The following CNBD2 variants were observed in gnomAD, a reference collection of about 807,000 sequenced individuals.
CNBD2 encodes the protein cyclic nucleotide binding domain containing 2, also known as cyclic nucleotide-binding domain-containing protein 2.
In CNBD2, 64 loss-of-function variants were observed where a neutral mutation model predicts 63.7. The ratio of observed to expected loss-of-function variants is 1.00; its 90% CI spans 0.82 to 1.24. The LOEUF (loss-of-function observed/expected upper bound fraction) is 1.24, where lower values mean the gene tolerates loss of function less well. Among genes scored for constraint, CNBD2 ranks in the 50% most tolerant of loss-of-function variants. The probability of loss-of-function intolerance (pLI) is 0.00; values close to 1 mark genes in which losing one functional copy is unlikely to be tolerated. For missense variants in CNBD2, 691 were observed against 713.5 expected (o/e 0.97, Z 0.36); for synonymous variants, 229 against 255.4 (o/e 0.90, Z 0.99).
intron 10 of CNBD2, among the ~76,000 whole-genome samples, chr20:36,014,197 G>T (rs2057103559): frequency 7.7e-6 from 1 of 129,096 alleles, no homozygotes. Context: ...AAAAAAAAAG[G>T]AAATATGTAT....
At chr20:36,000,098 T>TAACC (rs777171500) in intron 8 of CNBD2, among the ~76,000 whole-genome samples, 24 of 152,256 alleles carry the variant, frequency 1.6e-4, no homozygotes, top group Non-Finnish European at 2.8e-4. Flanking sequence ...TTCTACCTAA[T>TAACC]AACCACTTCC....
At chr20:35,989,032 C>T (rs903814946) in intron 7 of CNBD2, among the ~76,000 whole-genome samples, 3 of 152,076 alleles carry the variant, frequency 2.0e-5, no homozygotes, top group African/African-American at 7.2e-5. Context: ...TACTGTATGC[C>T]AGGTTCTATG....
rs753482415 is a variant in CNBD2, at chr20:35,980,607, T to A, written c.392T>A (p.Val131Asp). ...CCCCTGCAGCTGCTCCTGGCCAAAGTCATGCGCTTTGAACGGTCAGTGAGG... is the reference window on the plus strand; with the variant it reads ...CCCCTGCAGCTGCTCCTGGCCAAAGACATGCGCTTTGAACGGTCAGTGAGG... ...AEPLQLLLAK[V>D]MRFERFGRRR... The change falls in exon 4 of 12, where the codon GTC (valine) becomes GAC (aspartate). Residue 131 changes from valine (V) to aspartate (D), a missense_variant. Coordinates refer to ENST00000373973, the MANE Select transcript of CNBD2 (RefSeq NM_001365709.1). 1 of 1,613,482 alleles carries A rather than the reference T, an allele frequency of 6.2e-7. No homozygotes were observed. Among genetic ancestry groups the A allele is most frequent in the South Asian group, 1.1e-5 (1 of 91,040 alleles).
intron 11 of CNBD2, among the ~76,000 whole-genome samples, chr20:36,029,848 T>A (rs2147388542): frequency 6.6e-6 from 1 of 152,106 alleles, no homozygotes; most frequent in East Asian, 1.9e-4. Flanking sequence ...CAGTCCTTCT[T>A]CCACCTTCCT....
At chr20:35,954,661 C>A, upstream of CNBD2, 6 of 1,259,188 alleles carry the variant, frequency 4.8e-6, no homozygotes, top group Non-Finnish European at 6.2e-6. Flanking sequence ...CGCCTCTGAG[C>A]GCCAGTTCGA....
chr20:35,976,033 A>G (rs767125385), intron 3 of CNBD2, 31 bp downstream of exon 3: 15 of 1,586,738 alleles, frequency 9.5e-6, no homozygotes, highest in Middle Eastern at 1.7e-4. Context: ...GCTGTGGGGG[A>G]ATTTTCTTTC....
chr20:36,011,097 G>A (rs2147330681), intron 9 of CNBD2, 40 bp from the exon 10 acceptor site: 2 of 1,477,714 alleles, frequency 1.4e-6, no homozygotes, highest in South Asian at 1.4e-5. Context: ...GGAGCAGACT[G>A]TGTTACAGAT....
At chr20:35,970,178 A>G (rs1327336681) in intron 1 of CNBD2, among the ~76,000 whole-genome samples, 1 of 152,218 alleles carries the variant, frequency 6.6e-6, no homozygotes, top group African/African-American at 2.4e-5. Flanking sequence ...TTCACAATTT[A>G]TAGGTAATTT....
At chr20:36,011,708 G>C (rs1359695638) in intron 10 of CNBD2, among the ~76,000 whole-genome samples, 1 of 152,142 alleles carries the variant, frequency 6.6e-6, no homozygotes, top group Non-Finnish European at 1.5e-5. Flanking sequence ...AACTATCTTT[G>C]TTTGCAGATA....
At chr20:36,012,279 G>A (rs142525295) in intron 10 of CNBD2, among the ~76,000 whole-genome samples, 2,033 of 150,026 alleles carry the variant, frequency 0.014, 16 homozygotes, top group Middle Eastern at 0.031. Flanking sequence ...AAGCCTGGGG[G>A]ACAAGAGTGA....
chr20:36,012,846 CA>C, intron 10 of CNBD2, among the ~76,000 whole-genome samples: 1 of 144,990 alleles, frequency 6.9e-6, no homozygotes, highest in South Asian at 2.2e-4. Flanking sequence ...AAAAAGAATT[CA>C]ATTTCTAAGA....
At chr20:36,028,687 T>G (rs1422935384) in intron 11 of CNBD2, among the ~76,000 whole-genome samples, 1 of 150,636 alleles carries the variant, frequency 6.6e-6, no homozygotes, top group East Asian at 1.9e-4. Flanking sequence ...ACGGGCTGGT[T>G]TTTTTTGGGA....
In CNBD2 at chr20:36,023,590, A is replaced by G. The variant is rs2057246434; in HGVS notation, c.1270-12A>G. ...AGTCTCTGAGGTCTAACTTTCTGTG[A>G]CTTCTCCCGAGGGTCTTCACCAGGC... On this transcript the variant is annotated splice_polypyrimidine_tract_variant and intron_variant, in intron 10 of 11. Transcript: ENST00000373973. 6.4e-7 allele frequency: 1 copy of G among 1,561,780 alleles called. No individual in the cohort carries two copies. The highest frequency in any genetic ancestry group is 1.4e-5 in the African/African-American group (1 of 72,204).
chr20:36,008,163 C>CTT, intron 8 of CNBD2, 134 bp from the exon 9 acceptor site: 10 of 668,358 alleles, frequency 1.5e-5, no homozygotes, highest in South Asian at 4.3e-5. Context: ...TTTTATCTTT[C>CTT]TTTTTTTTTT....
chr20:36,021,686 G>A (rs1347249009), intron 10 of CNBD2, among the ~76,000 whole-genome samples: 1 of 152,146 alleles, frequency 6.6e-6, no homozygotes. Context: ...TTGATTAACA[G>A]CTGAGAGGCT....
Position 36,030,529 on chromosome 20 carries a change from A to G in CNBD2, c.1612A>G (p.Asn538Asp). ...KSVVLDLCSI[N>D]KTTKPRYPIF... ...TGTGGTCCTGGATTTGTGCAGCATCAACAAGACGACTAAACCTCGTTATCC... is the reference window on the plus strand; with the variant it reads ...TGTGGTCCTGGATTTGTGCAGCATCGACAAGACGACTAAACCTCGTTATCC... Residue 538 changes from asparagine (N) to aspartate (D), a missense_variant, in exon 12 of 12, where the codon AAC becomes GAC. By Grantham distance (23) the Asn-to-Asp change is conservative. Coordinates refer to ENST00000373973, the MANE Select transcript of CNBD2 (RefSeq NM_001365709.1). 6.2e-7 allele frequency: 1 copy of G among 1,614,220 alleles called. No homozygotes were observed. Among genetic ancestry groups the G allele is most frequent in the Non-Finnish European group, 8.5e-7 (1 of 1,180,040 alleles).
At chr20:35,995,606 T>G (rs917397099) in intron 8 of CNBD2, among the ~76,000 whole-genome samples, 11 of 152,244 alleles carry the variant, frequency 7.2e-5, no homozygotes, top group Non-Finnish European at 1.3e-4. Flanking sequence ...TTCTTCATTC[T>G]GTTTTATGGC....
At chr20:35,985,653 C>T (rs66483315) in intron 6 of CNBD2, among the ~76,000 whole-genome samples, 43,134 of 151,622 alleles carry the variant, frequency 0.28, 7,284 homozygotes, top group African/African-American at 0.46. Flanking sequence ...TCCCAGCTAA[C>T]TTTTTTGTAT....
chr20:36,007,166 G>C (rs573449541), intron 8 of CNBD2, among the ~76,000 whole-genome samples: 1 of 151,260 alleles, frequency 6.6e-6, no homozygotes, highest in African/African-American at 2.5e-5. Flanking sequence ...TTCAGCCTGG[G>C]CGACAGAGTG....
Sources: gnomAD v4.1 joint callset for allele counts (sites outside exome capture counted in the v4.1 genomes callset) on GRCh38, gnomAD v4.1.1 for gene constraint, MANE v1.5 for transcripts, NCBI Gene and HGNC (gene_info 2026-07-23, HGNC 2026-07-21) for gene names.